The following TCTN2 variants were observed in gnomAD, a reference collection of about 807,000 sequenced individuals.
TCTN2 encodes tectonic family member 2.
In TCTN2, 66 loss-of-function variants were observed where a neutral mutation model predicts 83.4. That is an observed-to-expected ratio of 0.79 (90% CI 0.65 to 0.97). TCTN2 has a LOEUF of 0.97. Among genes scored for constraint, TCTN2 ranks in the 50% least tolerant of loss-of-function variants. The pLI is 0.00. For missense variants in TCTN2, 794 were observed against 858.1 expected, an observed-to-expected ratio of 0.93 and a Z score of 0.93; for synonymous variants, 301 against 326.7, an observed-to-expected ratio of 0.92 and a Z score of 0.85.
chr12:123,678,158 C>T (rs7959553), intron 4 of TCTN2, among the ~76,000 whole-genome samples: 54,321 of 152,018 alleles, frequency 0.36, 10,188 homozygotes, highest in African/African-American at 0.41. Context: ...CATAACCCAG[C>T]CCCCCATACT....
intron 4 of TCTN2, 103 bp downstream of exon 4, chr12:123,673,913 G>A: frequency 1.8e-6 from 2 of 1,082,322 alleles, no homozygotes; most frequent in Non-Finnish European, 2.8e-6. Flanking sequence ...TGCTATAAAT[G>A]AGCTGCCCGG....
intron 11 of TCTN2, chr12:123,695,960 C>T (rs111942715): frequency 0.012 from 2,229 of 189,378 alleles, 23 homozygotes; most frequent in South Asian, 0.033. Flanking sequence ...TCTCCTGCCT[C>T]AGCCTCCCAA....
At chr12:123,701,703 A>T (rs1956174890) in intron 14 of TCTN2, among the ~76,000 whole-genome samples, 1 of 151,670 alleles carries the variant, frequency 6.6e-6, no homozygotes, top group Non-Finnish European at 1.5e-5. Flanking sequence ...AGATTGCGCC[A>T]CTGCACTCCA....
chr12:123,702,256 T>G (rs1198018250), intron 14 of TCTN2, among the ~76,000 whole-genome samples: 2 of 152,194 alleles, frequency 1.3e-5, no homozygotes, highest in Admixed American at 6.5e-5. Context: ...TCCCTGCAGA[T>G]GCTGCTCTGC....
intron 4 of TCTN2, among the ~76,000 whole-genome samples, chr12:123,677,267 C>T (rs1955835032): frequency 6.6e-6 from 1 of 152,176 alleles, no homozygotes; most frequent in Non-Finnish European, 1.5e-5. Context: ...ACGTGGTCTG[C>T]GATGTGGACC....
chr12:123,679,056 C>T (rs1955860978), intron 4 of TCTN2, 133 bp from the exon 5 acceptor site: 1 of 761,600 alleles, frequency 1.3e-6, no homozygotes, highest in Non-Finnish European at 2.3e-6. Context: ...CTTGGCCTCC[C>T]AAAATGCTGG....
chr12:123,673,997 C>CA (rs1322734690), intron 4 of TCTN2, among the ~76,000 whole-genome samples, 187 bp downstream of exon 4: 1 of 151,104 alleles, frequency 6.6e-6, no homozygotes, highest in Non-Finnish European at 1.5e-5. Flanking sequence ...GACCCTGTCT[C>CA]AAAAAAAACC....
rs148521007 is a variant in TCTN2 at position 123,703,354 on chromosome 12, G to C, written c.1613-1178G>C. Among the ~76,000 whole-genome samples, 761 of 151,824 alleles carry C rather than the reference G, an allele frequency of 5.0e-3. 6 individuals carry two copies. Among genetic ancestry groups the C allele is most frequent in the African/African-American group, 0.017 (718 of 41,368 alleles). The stretch of plus-strand genomic sequence containing the variant: ...GCGCCACCATACCTGGCCAATTTTT[G>C]TATTTTTAGTAGAGACAGGGTTTCA... On this transcript the variant is annotated intron_variant, in intron 14 of 17. Coordinates refer to ENST00000303372, the MANE Select transcript of TCTN2 (RefSeq NM_024809.5).
chr12:123,706,330 ATC>A (rs1593870773), intron 15 of TCTN2, among the ~76,000 whole-genome samples: 1 of 152,192 alleles, frequency 6.6e-6, no homozygotes, highest in Non-Finnish European at 1.5e-5. Flanking sequence ...CAAGCAAGTT[ATC>A]TCTGTGCCTC....
intron 3 of TCTN2, among the ~76,000 whole-genome samples, chr12:123,672,508 G>A (rs1455809888): frequency 6.6e-6 from 1 of 152,048 alleles, no homozygotes; most frequent in Non-Finnish European, 1.5e-5. Flanking sequence ...GATTGAGGCG[G>A]GAGGATTGCT....
At chr12:123,696,249 A>G (rs1450456309) in intron 11 of TCTN2, 166 bp from the exon 12 acceptor site, 3 of 655,962 alleles carry the variant, frequency 4.6e-6, no homozygotes, top group Non-Finnish European at 2.8e-6. Flanking sequence ...CTCTTTAGCT[A>G]CTGTTTTTTT....
At chr12:123,704,833 A>C in intron 15 of TCTN2, 145 bp downstream of exon 15, 3 of 844,114 alleles carry the variant, frequency 3.6e-6, no homozygotes, top group Non-Finnish European at 5.8e-6. Flanking sequence ...GCACATATGG[A>C]ATATGTACGA....
At chr12:123,671,370 T>G in intron 1 of TCTN2, 48 bp downstream of exon 1, 1 of 1,606,428 alleles carries the variant, frequency 6.2e-7, no homozygotes, top group South Asian at 1.1e-5. Flanking sequence ...CTGAGGGGAC[T>G]GGGCGTTAAA....
rs747771800 is a variant in TCTN2 at position 123,706,780 on chromosome 12, C to T, written c.1824C>T (p.Ala608=). 1.5e-5 allele frequency: 25 copies of T among 1,613,942 alleles called. No individual in the cohort carries two copies. The highest frequency in any genetic ancestry group is 1.9e-5 in the Non-Finnish European group (23 of 1,180,016). Residue 608 remains alanine (A), a synonymous_variant, in exon 16 of 18, where the codon GCC becomes GCT. Coordinates refer to ENST00000303372, the MANE Select transcript of TCTN2 (RefSeq NM_024809.5). ...GTGGGCTTACCTGTGAGCACAAGGCCGACCTTCTCCCTATCAGTGCATCCG... is the reference window on the plus strand; with the variant it reads ...GTGGGCTTACCTGTGAGCACAAGGCTGACCTTCTCCCTATCAGTGCATCCG... ...YQCGLTCEHK[A]DLLPISASVQ... is the part of the protein sequence containing the mutation.
intron 7 of TCTN2, among the ~76,000 whole-genome samples, chr12:123,689,515 T>C (rs1956016615): frequency 6.6e-6 from 1 of 152,166 alleles, no homozygotes; most frequent in Non-Finnish European, 1.5e-5. Flanking sequence ...CTTTTTCTTT[T>C]TATATTTTTA....
At chr12:123,697,304 T>C in intron 13 of TCTN2, 106 bp downstream of exon 13, 1 of 843,142 alleles carries the variant, frequency 1.2e-6, no homozygotes, top group Non-Finnish European at 2.0e-6. Context: ...TTAGAGTCAA[T>C]TAAAATGTGT....
chr12:123,673,468 C>A, intron 3 of TCTN2, 147 bp from the exon 4 acceptor site: 1 of 776,864 alleles, frequency 1.3e-6, no homozygotes, highest in Non-Finnish European at 2.2e-6. Flanking sequence ...TGGGGGGGAA[C>A]TGAAGATAAC....
chr12:123,672,631 G>A (rs191184523), intron 3 of TCTN2, among the ~76,000 whole-genome samples: 3 of 152,130 alleles, frequency 2.0e-5, no homozygotes, highest in East Asian at 3.9e-4. Flanking sequence ...ATACTTGGAG[G>A]GGGGTGGGGT....
At chr12:123,699,329 A>T (rs1023252919) in intron 13 of TCTN2, among the ~76,000 whole-genome samples, 3 of 151,694 alleles carry the variant, frequency 2.0e-5, no homozygotes, top group African/African-American at 7.3e-5. Flanking sequence ...TAATTTTTGT[A>T]TTTTTTGTAG....
Sources: allele counts gnomAD v4.1 joint callset (sites outside exome capture counted in the v4.1 genomes callset), GRCh38; gene constraint gnomAD v4.1.1; transcripts MANE v1.5; gene names NCBI Gene and HGNC (gene_info 2026-07-23, HGNC 2026-07-21).